Variants in SYNE1 observed in about 807,000 individuals in gnomAD.
SYNE1 encodes the protein nesprin-1.
In SYNE1, 616 loss-of-function variants were observed where a neutral mutation model predicts 1,111.0. The observed-to-expected ratio is 0.55, with a 90% confidence interval of 0.52 to 0.59. SYNE1 has a LOEUF of 0.59. Ranked by LOEUF, SYNE1 falls within the 20% of genes least tolerant of loss-of-function variation. SYNE1 has a pLI of 0.00. For missense variants in SYNE1, 10,006 were observed against 10,417.0 expected (o/e 0.96, Z 1.72); for synonymous variants, 3,855 against 3,825.8 (o/e 1.01, Z -0.28).
At chr6:152,412,990 T>C (rs2098090482) in intron 42 of SYNE1, among the ~76,000 whole-genome samples, 1 of 151,998 alleles carries the variant, frequency 6.6e-6, no homozygotes, top group African/African-American at 2.4e-5. Context: ...TAGCTGGCAT[T>C]ACAGGCACCC....
rs752948702 is a variant in SYNE1, at chr6:152,451,092, C to A, written c.3141G>T (p.Lys1047Asn). The change falls in exon 26 of 146, where the codon AAG (lysine) becomes AAT (asparagine). Residue 1047 changes from lysine to asparagine, a missense_variant. Lys to Asn is a moderately conservative substitution (Grantham distance 94). This residue lies in a region of SYNE1 where 1,971 missense variants were observed against 2,084.1 expected (regional missense o/e 0.95). Coordinates refer to ENST00000367255, the MANE Select transcript of SYNE1 (RefSeq NM_182961.4). ...TTTCACTGCCTTCCTGGGGCATCAGCTTGGTCTCTCGATCCAGCTCAGTTC... is the reference window on the plus strand; with the variant it reads ...TTTCACTGCCTTCCTGGGGCATCAGATTGGTCTCTCGATCCAGCTCAGTTC... ...ECRTELDRET[K>N]LMPQEGSEKI... is the part of the protein sequence containing the mutation. The A allele has an allele frequency of 6.2e-7, 1 of 1,614,182 alleles. No individual in the cohort carries two copies. Among genetic ancestry groups the A allele is most frequent in the Admixed American group, 1.7e-5 (1 of 60,020 alleles).
chr6:152,455,473 C>T lies in SYNE1; in HGVS notation c.2845G>A (p.Gly949Ser), dbSNP rs759352058. 8.7e-6 allele frequency: 14 copies of T among 1,614,120 alleles called. No individual in the cohort carries two copies. The South Asian group carries it at 1.2e-4, about 14-fold the overall frequency. The change falls in exon 24 of 146, where the codon GGC (glycine) becomes AGC (serine). Residue 949 changes from glycine (G) to serine (S), a missense_variant. By Grantham distance (56) the Gly-to-Ser change is moderately conservative (BLOSUM62 0). Transcript: ENST00000367255. Reference protein sequence around the residue: ...LEKVLRIAQEGLEEKGDPEEL... With the variant: ...LEKVLRIAQESLEEKGDPEEL... The stretch of plus-strand genomic sequence containing the variant: ...TCTGGATCCCCCTTTTCCTCCAGGC[C>T]CTCCTGAGCAATCCGCAGTACCTTC...
At chr6:152,131,840 A>G (rs1215035736) in intron 144 of SYNE1, among the ~76,000 whole-genome samples, 3 of 152,220 alleles carry the variant, frequency 2.0e-5, no homozygotes, top group Non-Finnish European at 2.9e-5. Flanking sequence ...ACAAATGGGC[A>G]CCATTCTGGA....
chr6:152,563,053 T>TACACACACAC (rs34506864), intron 3 of SYNE1, among the ~76,000 whole-genome samples: 3 of 148,808 alleles, frequency 2.0e-5, no homozygotes, highest in South Asian at 2.1e-4. Context: ...GGAAAAAGAG[T>TACACACACAC]ACACACACAC....
chr6:152,125,512 T>C, intron 145 of SYNE1: 1 of 1,036,142 alleles, frequency 9.7e-7, no homozygotes, highest in East Asian at 2.7e-5. Context: ...TGCCTTAAAG[T>C]GTCTTAAGAA....
chr6:152,237,328 T>C (rs1426608508), intron 108 of SYNE1, among the ~76,000 whole-genome samples: 1 of 103,266 alleles, frequency 9.7e-6, no homozygotes. Context: ...TTTTTTTTTT[T>C]AGATAGGCTC....
chr6:152,362,795 C>T (rs552776380), intron 63 of SYNE1, among the ~76,000 whole-genome samples: 75 of 151,924 alleles, frequency 4.9e-4, no homozygotes, highest in Middle Eastern at 6.4e-3. Flanking sequence ...AATAAAAGGA[C>T]AATATTTCCT....
At chr6:152,372,199 A>C (rs1054752292) in intron 59 of SYNE1, among the ~76,000 whole-genome samples, 2 of 152,192 alleles carry the variant, frequency 1.3e-5, no homozygotes, top group South Asian at 4.1e-4. Flanking sequence ...GATTAAAGAA[A>C]CATTTCTAGG....
chr6:152,589,055 C>A (rs536113563), intron 3 of SYNE1, among the ~76,000 whole-genome samples: 2 of 152,006 alleles, frequency 1.3e-5, no homozygotes, highest in East Asian at 1.9e-4. Context: ...GTTCAAGCAA[C>A]CCCACCACGC....
At chr6:152,212,360 T>C (rs1366025102) in intron 123 of SYNE1, among the ~76,000 whole-genome samples, 3 of 152,214 alleles carry the variant, frequency 2.0e-5, no homozygotes, top group East Asian at 3.8e-4. Flanking sequence ...ACATTTCTTG[T>C]AAATGGAATC....
rs759434794 is a variant in SYNE1 at position 152,330,284 on chromosome 6, G to A, written c.14401C>T (p.Gln4801Ter). ...AGCGTTTCCTCATTCACTTTGGACT[G>A]CTCCTCTTTTACAGACTTCAGTTGT... The part of the protein sequence containing the change: ...ERQLKSVKEE[Q>*]SKVNEETLPA... The change falls in exon 78 of 146, where the codon CAG (glutamine) becomes TAG (stop). Residue 4801 changes from glutamine to a stop codon, truncating the protein, a stop_gained. Transcript: ENST00000367255. LOFTEE classifies it high-confidence loss of function. 2 of 1,614,120 alleles carry A rather than the reference G, an allele frequency of 1.2e-6. No individual in the cohort carries two copies. Among genetic ancestry groups the A allele is most frequent in the Non-Finnish European group, 1.7e-6 (2 of 1,180,044 alleles).
intron 130 of SYNE1, among the ~76,000 whole-genome samples, chr6:152,164,664 A>T (rs911782010): frequency 3.9e-5 from 6 of 152,158 alleles, no homozygotes; most frequent in African/African-American, 1.4e-4. Flanking sequence ...CTTACAGCAA[A>T]AATCAATTAT....
intron 3 of SYNE1, among the ~76,000 whole-genome samples, chr6:152,548,067 G>T (rs1479602913): frequency 6.6e-6 from 1 of 152,194 alleles, no homozygotes; most frequent in African/African-American, 2.4e-5. Context: ...ATTTAAGGTA[G>T]TGCCCAGTTG....
At position 152,441,176 on chromosome 6, in the gene SYNE1, C is replaced by G. The variant is rs998116525; in HGVS notation, c.4103G>C (p.Ser1368Thr). ...QTGSSHERFLSFSSLESLSSE... is the reference protein window; with the variant it reads ...QTGSSHERFLTFSSLESLSSE... ...AGATAAACTTTCCAAACTGCTAAAACTCAAGAAGCGTTCATGACTGGAACC... is the reference window on the plus strand; with the variant it reads ...AGATAAACTTTCCAAACTGCTAAAAGTCAAGAAGCGTTCATGACTGGAACC... Residue 1368 changes from serine (S) to threonine (T), a missense_variant, in exon 32 of 146, where the codon AGT becomes ACT. Physicochemically the swap from Ser to Thr is moderately conservative, Grantham distance 58. This residue lies in a region of SYNE1 where 1,971 missense variants were observed against 2,084.1 expected (regional missense o/e 0.95). Transcript: ENST00000367255. 11 of 1,613,692 alleles carry G rather than the reference C, an allele frequency of 6.8e-6. No individual in the cohort carries two copies. The highest frequency in any genetic ancestry group is 8.5e-6 in the Non-Finnish European group (10 of 1,179,806).
chr6:152,564,896 G>A (rs2099407410), intron 3 of SYNE1, among the ~76,000 whole-genome samples: 1 of 152,064 alleles, frequency 6.6e-6, no homozygotes, highest in Non-Finnish European at 1.5e-5. Flanking sequence ...AAATAATAAT[G>A]AAAACCTCCT....
Position 152,502,617 on chromosome 6 carries a change from G to GA in SYNE1, c.888+15dup. On this transcript the variant is annotated intron_variant, in intron 10 of 145. Coordinates refer to ENST00000367255, the MANE Select transcript of SYNE1 (RefSeq NM_182961.4). The stretch of plus-strand genomic sequence containing the variant: ...ATTGCATATACCAGTGATACTTGAA[G>GA]AAAGCAAATACCTACATCATCCTCT... The GA allele has an allele frequency of 6.3e-7, 1 of 1,593,214 alleles. No homozygotes were observed. The highest frequency in any genetic ancestry group is 8.6e-7 in the Non-Finnish European group (1 of 1,161,118).
chr6:152,253,185 T>C (rs756645820), intron 104 of SYNE1, among the ~76,000 whole-genome samples: 14 of 152,164 alleles, frequency 9.2e-5, no homozygotes, highest in Admixed American at 2.0e-4. Context: ...ACATTCTCCA[T>C]CTTCCCTGAG....
intron 141 of SYNE1, among the ~76,000 whole-genome samples, chr6:152,136,024 C>T (rs940052032): frequency 1.3e-5 from 2 of 152,190 alleles, no homozygotes; most frequent in African/African-American, 4.8e-5. Context: ...AACATCCTTC[C>T]AATGTTAGCT....
chr6:152,399,894 T>C lies in SYNE1; in HGVS notation c.7030-71A>G, dbSNP rs214951. On this transcript the variant is annotated intron_variant, in intron 47 of 145. Coordinates refer to ENST00000367255, the MANE Select transcript of SYNE1 (RefSeq NM_182961.4). ...AAATACTCCATTTACTTCACTATGG[T>C]ACTGTTTTACAATCTGAAATTGACA... 0.39 allele frequency: 583,519 copies of C among 1,502,376 alleles called. 118,414 individuals carry two copies. Among genetic ancestry groups the C allele is most frequent in the East Asian group, 0.77 (33,831 of 43,732 alleles). 93.1% of individuals were successfully genotyped at this position (1,502,376 alleles called of 1,614,324 possible).
Sources: allele counts gnomAD v4.1 joint callset (sites outside exome capture counted in the v4.1 genomes callset), GRCh38; gene constraint gnomAD v4.1.1; regional missense constraint gnomAD v4.1.1; transcripts MANE v1.5; gene names NCBI Gene and HGNC (gene_info 2026-07-23, HGNC 2026-07-21).